The following GRM7 variants were observed in gnomAD, a reference collection of about 807,000 sequenced individuals.
The protein encoded by GRM7 is metabotropic glutamate receptor 7.
GRM7 carries 35 observed loss-of-function variants against 84.5 expected under a neutral mutation model. The ratio of observed to expected loss-of-function variants is 0.41; its 90% confidence interval spans 0.32 to 0.55. The LOEUF (loss-of-function observed/expected upper bound fraction) is 0.55. Among genes scored for constraint, GRM7 ranks in the 20% least tolerant of loss-of-function variants. The probability of loss-of-function intolerance (pLI) is 0.19; values close to 1 mark genes in which losing one functional copy is unlikely to be tolerated. For missense variants in GRM7, 1,003 were observed against 1,194.6 expected, an observed-to-expected ratio of 0.84 and a Z score of 2.36; for synonymous variants, 487 against 455.1, an observed-to-expected ratio of 1.07 and a Z score of -0.89.
intron 4 of GRM7, among the ~76,000 whole-genome samples, chr3:7,353,869 A>C (rs1254647443): frequency 6.6e-6 from 1 of 152,136 alleles, no homozygotes; most frequent in Non-Finnish European, 1.5e-5. Flanking sequence ...GCAAAGCAAC[A>C]ATCAGAATAG....
chr3:7,552,051 G>T (rs1296167290), intron 7 of GRM7, among the ~76,000 whole-genome samples: 1 of 152,170 alleles, frequency 6.6e-6, no homozygotes, highest in Non-Finnish European at 1.5e-5. Context: ...CATGAGAACA[G>T]CATGGGAGAA....
intron 1 of GRM7, among the ~76,000 whole-genome samples, chr3:7,048,922 C>T (rs1466727305): frequency 1.3e-5 from 2 of 151,910 alleles, no homozygotes; most frequent in Admixed American, 6.6e-5. Flanking sequence ...TTCTATTTTC[C>T]TGTGTTTATG....
intron 9 of GRM7, among the ~76,000 whole-genome samples, chr3:7,735,278 T>C (rs1575683890): frequency 2.6e-5 from 4 of 152,236 alleles, no homozygotes; most frequent in Admixed American, 6.5e-5. Context: ...AGAAGTTTGG[T>C]GAGATTTACA....
At chr3:7,635,903 C>T (rs146149804) in intron 8 of GRM7, among the ~76,000 whole-genome samples, 5 of 152,050 alleles carry the variant, frequency 3.3e-5, no homozygotes, top group African/African-American at 1.2e-4. Context: ...CTCAGACTCC[C>T]GGCCTCAAGC....
chr3:7,098,836 A>T (rs1698947659), intron 1 of GRM7, among the ~76,000 whole-genome samples: 1 of 151,948 alleles, frequency 6.6e-6, no homozygotes, highest in Admixed American at 6.6e-5. Flanking sequence ...TTTCCATTTA[A>T]GGATGAGATG....
intron 8 of GRM7, among the ~76,000 whole-genome samples, chr3:7,632,334 T>C (rs761883506): frequency 2.2e-4 from 34 of 152,190 alleles, no homozygotes; most frequent in Non-Finnish European, 5.0e-4. Flanking sequence ...ATTCTCAGTC[T>C]CTTGTGTGAT....
intron 1 of GRM7, among the ~76,000 whole-genome samples, chr3:6,895,193 A>G (rs1169508962): frequency 6.6e-6 from 1 of 152,190 alleles, no homozygotes; most frequent in Non-Finnish European, 1.5e-5. Flanking sequence ...GTCTAAAGAA[A>G]GACTCCAAAG....
chr3:6,956,062 GGTTATTGA>G, intron 1 of GRM7, among the ~76,000 whole-genome samples: 1 of 152,114 alleles, frequency 6.6e-6, no homozygotes, highest in East Asian at 1.9e-4. Context: ...AATTCCATTG[GGTTATTGA>G]GTGCCTTGCT....
intron 4 of GRM7, among the ~76,000 whole-genome samples, chr3:7,378,588 T>G (rs755856224): frequency 4.5e-4 from 69 of 152,312 alleles, no homozygotes; most frequent in Non-Finnish European, 7.5e-4. Flanking sequence ...AGAAAATTCA[T>G]GTTATGTTAG....
chr3:6,945,834 T>C (rs1457421157), intron 1 of GRM7, among the ~76,000 whole-genome samples: 2 of 152,244 alleles, frequency 1.3e-5, no homozygotes, highest in South Asian at 2.1e-4. Context: ...CATTTTTTCA[T>C]GTGTTTTTTG....
At chr3:7,572,168 A>G (rs1285775970) in intron 7 of GRM7, among the ~76,000 whole-genome samples, 2 of 152,178 alleles carry the variant, frequency 1.3e-5, no homozygotes, top group Non-Finnish European at 2.9e-5. Context: ...TATTTCACTT[A>G]ACAGCACAAA....
chr3:7,258,982 A>C (rs1698309522), intron 2 of GRM7, among the ~76,000 whole-genome samples: 1 of 152,234 alleles, frequency 6.6e-6, no homozygotes, highest in African/African-American at 2.4e-5. Context: ...TATGAAAATC[A>C]AGGTGTGCAT....
chr3:7,067,695 A>G (rs1697717799), intron 1 of GRM7, among the ~76,000 whole-genome samples: 1 of 151,944 alleles, frequency 6.6e-6, no homozygotes, highest in Admixed American at 6.6e-5. Flanking sequence ...CTGCAAACCA[A>G]TTGTGTCTAA....
chr3:7,578,523 T>A lies in GRM7; in HGVS notation c.1617T>A (p.Thr539=), dbSNP rs755330859. ...PGQRKKTQKG[T]PCCWTCEPCD... is the part of the protein sequence containing the mutation. ...AGAGAAAGAAGACACAGAAAGGAAC[T>A]CCTTGCTGTTGGACCTGTGAGCCTT... The change falls in exon 8 of 10, where the codon ACT becomes ACA. Residue 539 remains threonine (T), a synonymous_variant. Transcript: ENST00000357716. The A allele has an allele frequency of 3.4e-5, 55 of 1,613,812 alleles. No individual in the cohort carries two copies. The South Asian group carries it at 6.0e-4, about 18-fold the overall frequency.
intron 5 of GRM7, among the ~76,000 whole-genome samples, chr3:7,431,154 A>T (rs1696814021): frequency 6.6e-6 from 1 of 152,118 alleles, no homozygotes; most frequent in Admixed American, 6.5e-5. Flanking sequence ...ACTGGAAATC[A>T]CCCAGATGTG....
At chr3:6,883,948 C>G (rs1355424796) in intron 1 of GRM7, among the ~76,000 whole-genome samples, 1 of 152,160 alleles carries the variant, frequency 6.6e-6, no homozygotes, top group Non-Finnish European at 1.5e-5. Context: ...AGCACAAGGT[C>G]TGGAGACATG....
intron 4 of GRM7, among the ~76,000 whole-genome samples, chr3:7,400,053 A>G (rs571527094): frequency 6.6e-6 from 1 of 152,338 alleles, no homozygotes; most frequent in East Asian, 1.9e-4. Context: ...TTAAGGCTCA[A>G]TATTTGCAAC....
At chr3:7,178,707 T>C (rs947052689) in intron 2 of GRM7, among the ~76,000 whole-genome samples, 1 of 152,080 alleles carries the variant, frequency 6.6e-6, no homozygotes, top group Non-Finnish European at 1.5e-5. Context: ...TTCTCCCCAA[T>C]GTTGAAGTAG....
rs1051741780 is a variant in GRM7, at chr3:6,868,014, C to T, written c.519+6107C>T. 3.3e-5 allele frequency among the ~76,000 whole-genome samples: 5 copies of T among 151,980 alleles called. No homozygotes were observed. In the South Asian group the frequency reaches 6.2e-4, roughly 19 times the overall value. On this transcript the variant is annotated intron_variant, in intron 1 of 9. Coordinates refer to ENST00000357716, the MANE Select transcript of GRM7 (RefSeq NM_000844.4). The stretch of plus-strand genomic sequence containing the variant: ...GATATATGTCACATTTTATGCAAAC[C>T]GACTTTCTAATCTTTTTTCAATAAA...
Sources: gnomAD v4.1 joint callset for allele counts (sites outside exome capture counted in the v4.1 genomes callset) on GRCh38, gnomAD v4.1.1 for gene constraint, MANE v1.5 for transcripts, NCBI Gene and HGNC (gene_info 2026-07-23, HGNC 2026-07-21) for gene names.